VPS33A: variants seen among roughly 807,000 people sequenced by gnomAD.
VPS33A encodes vacuolar protein sorting-associated protein 33A.
A neutral mutation model predicts 71.8 loss-of-function variants in VPS33A; 32 were observed. That is an observed-to-expected ratio of 0.45 (90% CI 0.34 to 0.60). The LOEUF (loss-of-function observed/expected upper bound fraction) is 0.60. Among genes scored for constraint, VPS33A ranks in the 20% least tolerant of loss-of-function variants. The pLI, the probability that VPS33A is intolerant of heterozygous loss-of-function variation, is 0.02. For synonymous variants in VPS33A, 311 were observed against 292.7 expected (o/e 1.06, Z -0.64); for missense variants, 625 against 748.5 (o/e 0.84, Z 1.92).
intron 8 of VPS33A, chr12:122,241,129 C>T (rs1294614101): frequency 2.9e-5 from 4 of 139,104 alleles, no homozygotes; most frequent in Non-Finnish European, 4.6e-5. Flanking sequence ...AGTGAAACTC[C>T]GTCTCAAAAA....
At chr12:122,233,032 C>G (rs561830260) in intron 11 of VPS33A, 64 bp from the exon 12 acceptor site, 77 of 1,433,058 alleles carry the variant, frequency 5.4e-5, no homozygotes, top group Non-Finnish European at 7.0e-5. Context: ...CTGACTGTGG[C>G]CTTTTGGGTA....
chr12:122,259,181 G>GTA (rs1954957935), intron 4 of VPS33A, among the ~76,000 whole-genome samples: 1 of 118,242 alleles, frequency 8.5e-6, no homozygotes, highest in Non-Finnish European at 1.8e-5. Context: ...GTGTGTGTAT[G>GTA]TATGTGTGTA....
intron 4 of VPS33A, among the ~76,000 whole-genome samples, chr12:122,259,943 T>C (rs1954970520): frequency 1.3e-5 from 2 of 152,076 alleles, no homozygotes; most frequent in Non-Finnish European, 2.9e-5. Context: ...CTCAAAAGGC[T>C]GAGGCTGAAA....
intron 11 of VPS33A, 89 bp from the exon 12 acceptor site, chr12:122,233,057 G>T: frequency 1.5e-6 from 2 of 1,352,640 alleles, no homozygotes; most frequent in Non-Finnish European, 2.0e-6. Flanking sequence ...AAAATTATTT[G>T]ATTTGGATTT....
chr12:122,236,000 A>G, intron 10 of VPS33A, 77 bp from the exon 11 acceptor site: 4 of 1,533,796 alleles, frequency 2.6e-6, no homozygotes, highest in Non-Finnish European at 3.5e-6. Context: ...GGCACTTCCA[A>G]CAAATCAATT....
chr12:122,255,689 A>G (rs1057061715), intron 4 of VPS33A, among the ~76,000 whole-genome samples: 3 of 142,886 alleles, frequency 2.1e-5, no homozygotes, highest in African/African-American at 8.0e-5. Flanking sequence ...CCTGGGGAAC[A>G]AGAGTGAGAC....
chr12:122,235,920 A>ATGTC lies in VPS33A; in HGVS notation c.1303-1_1305dup (p.Tyr436AspfsTer5). 1.2e-6 allele frequency: 2 copies of ATGTC among 1,606,158 alleles called. No homozygotes were observed. The highest frequency in any genetic ancestry group is 1.7e-6 in the Non-Finnish European group (2 of 1,177,034). ...AAGGTCAATATGTGCTCATAGCCGT[A>ATGTC]TGTCTGCAAGGGAAGTCATTTGGCC... On this transcript the variant is annotated frameshift_variant, in exon 11 of 13. Coordinates refer to ENST00000267199, the MANE Select transcript of VPS33A (RefSeq NM_022916.6). LOFTEE classifies it high-confidence loss of function.
Position 122,232,985 on chromosome 12 carries a change from G to T in VPS33A, c.1441-17C>A. 6.3e-7 allele frequency: 1 copy of T among 1,575,374 alleles called. No homozygotes were observed. Among genetic ancestry groups the T allele is most frequent in the Non-Finnish European group, 8.6e-7 (1 of 1,157,592 alleles). The stretch of plus-strand genomic sequence containing the variant: ...CGTGGGGTTCTGTGAGATAATTAAA[G>T]AACAAAAACCCTATAGATACAGAGA... On this transcript the variant is annotated splice_polypyrimidine_tract_variant and intron_variant, in intron 11 of 12. Coordinates refer to ENST00000267199, the MANE Select transcript of VPS33A (RefSeq NM_022916.6).
rs574761685 is a variant in VPS33A, at chr12:122,229,670, A to G, written c.*2576T>C. 1.3e-5 allele frequency: 2 copies of G among 152,322 alleles called. No individual in the cohort carries two copies. The highest frequency in any genetic ancestry group is 4.1e-4 in the South Asian group (2 of 4,830). 9.4% of individuals were successfully genotyped at this position (152,322 alleles called of 1,614,324 possible). A position where few individuals can be genotyped will look rare whatever the true frequency, so the allele number is the denominator to read the frequency against. ...AACAATCCACTCTCCCCAACAATAAATGTACCGTTCACATATCCTTTCTCA... is the reference window on the plus strand; with the variant it reads ...AACAATCCACTCTCCCCAACAATAAGTGTACCGTTCACATATCCTTTCTCA... On this transcript the variant is annotated 3_prime_UTR_variant, in exon 13 of 13. Transcript: ENST00000267199.
chr12:122,245,583 A>AT (rs1167762881), intron 6 of VPS33A, among the ~76,000 whole-genome samples: 3 of 151,658 alleles, frequency 2.0e-5, no homozygotes, highest in African/African-American at 7.3e-5. Flanking sequence ...AGCTCAGATT[A>AT]TAGGCACCCA....
intron 11 of VPS33A, among the ~76,000 whole-genome samples, chr12:122,234,690 C>T (rs112086562): frequency 3.3e-5 from 5 of 152,294 alleles, no homozygotes; most frequent in South Asian, 2.1e-4. Flanking sequence ...TGGACCTGTG[C>T]GTCCCACACC....
Position 122,235,932 on chromosome 12 carries a change from G to C in VPS33A, c.1303-9C>G. ...TGCTCATAGCCGTATGTCTGCAAGG[G>C]AAGTCATTTGGCCTTGATGTCAGAT... On this transcript the variant is annotated splice_polypyrimidine_tract_variant and intron_variant, in intron 10 of 12. Transcript: ENST00000267199. 6.3e-7 allele frequency: 1 copy of C among 1,596,248 alleles called. No homozygotes were observed. The highest frequency in any genetic ancestry group is 1.4e-5 in the African/African-American group (1 of 74,036).
intron 4 of VPS33A, among the ~76,000 whole-genome samples, chr12:122,253,796 C>T (rs908064642): frequency 6.6e-6 from 1 of 151,982 alleles, no homozygotes; most frequent in Admixed American, 6.5e-5. Context: ...CTCCCGAGTT[C>T]AAGTGATTCT....
intron 10 of VPS33A, among the ~76,000 whole-genome samples, chr12:122,237,887 C>T (rs1453735428): frequency 6.6e-6 from 1 of 151,904 alleles, no homozygotes; most frequent in Non-Finnish European, 1.5e-5. Flanking sequence ...TGGGCTCAAG[C>T]AATCCTCCTA....
chr12:122,232,072 AG>A lies in VPS33A; in HGVS notation c.*173del. On this transcript the variant is annotated 3_prime_UTR_variant, in exon 13 of 13. Coordinates refer to ENST00000267199, the MANE Select transcript of VPS33A (RefSeq NM_022916.6). ...ACTCCGTCTCAAAGGAAAAAAAAAA[AG>A]GGAATACAAAAGAGACGGAGAAAGC... 1.7e-6 allele frequency: 1 copy of A among 594,688 alleles called. No homozygotes were observed. Among genetic ancestry groups the A allele is most frequent in the Non-Finnish European group, 2.7e-6 (1 of 370,258 alleles). The allele number at this position is 594,688 out of a possible 1,614,324, so 36.8% of individuals were successfully genotyped here.
Position 122,264,163 on chromosome 12 carries a change from C to A in VPS33A, c.139G>T (p.Gly47Cys). The change falls in exon 2 of 13, where the codon GGC (glycine) becomes TGC (cysteine). Residue 47 changes from glycine (G) to cysteine (C), a missense_variant. Coordinates refer to ENST00000267199, the MANE Select transcript of VPS33A (RefSeq NM_022916.6). Reference protein sequence around the residue: ...VWDEYLTGPFGLIAQYSLLKE... With the variant: ...VWDEYLTGPFCLIAQYSLLKE... The stretch of plus-strand genomic sequence containing the variant: ...AATAGTGAATACTGTGCAATCAGGC[C>A]AAAGGGTCCAGTTAGGTATTCATCC... 6.4e-7 allele frequency: 1 copy of A among 1,562,634 alleles called. No homozygotes were observed. Among genetic ancestry groups the A allele is most frequent in the Non-Finnish European group, 8.7e-7 (1 of 1,145,058 alleles).
At chr12:122,257,300 G>A (rs529522680) in intron 4 of VPS33A, among the ~76,000 whole-genome samples, 46 of 151,920 alleles carry the variant, frequency 3.0e-4, no homozygotes, top group Admixed American at 1.3e-3. Context: ...GGTGGTGGAT[G>A]CCTGTAATCC....
At chr12:122,250,188 A>T in intron 5 of VPS33A, 143 bp from the exon 6 acceptor site, 1 of 890,472 alleles carries the variant, frequency 1.1e-6, no homozygotes, top group Non-Finnish European at 1.6e-6. Flanking sequence ...GCAGCTCTAG[A>T]AAAGCACCTT....
Position 122,242,467 on chromosome 12 carries a change from A to G in VPS33A, c.1011T>C (p.Phe337=). The G allele has an allele frequency of 6.2e-7, 1 of 1,614,176 alleles. No homozygotes were observed. The highest frequency in any genetic ancestry group is 8.5e-7 in the Non-Finnish European group (1 of 1,179,998). Residue 337 remains phenylalanine (F), a synonymous_variant, in exon 8 of 13, where the codon TTT becomes TTC. Coordinates refer to ENST00000267199, the MANE Select transcript of VPS33A (RefSeq NM_022916.6). Reference sequence around the variant, plus strand: ...CCTGCATGTGGGGCAACTGGGAAACAAACTGCTTGATCTCCCCCACGGTCT... The same window carrying G: ...CCTGCATGTGGGGCAACTGGGAAACGAACTGCTTGATCTCCCCCACGGTCT... ...NAKTVGEIKQ[F]VSQLPHMQAA...
Sources: allele counts gnomAD v4.1 joint callset (sites outside exome capture counted in the v4.1 genomes callset), GRCh38; gene constraint gnomAD v4.1.1; transcripts MANE v1.5; gene names NCBI Gene and HGNC (gene_info 2026-07-23, HGNC 2026-07-21).